SEC14L5: variants seen among roughly 807,000 people sequenced by gnomAD.
SEC14L5 encodes SEC14 like lipid binding 5, also known as SEC14-like protein 5.
SEC14L5 carries 96 observed loss-of-function variants against 84.6 expected under a neutral mutation model. That is an observed-to-expected ratio of 1.13 (90% CI 0.96 to 1.34). The LOEUF is 1.34. Among genes scored for constraint, SEC14L5 ranks in the 40% most tolerant of loss-of-function variants. The pLI is 0.00. For missense variants in SEC14L5, 1,224 were observed against 942.5 expected, an observed-to-expected ratio of 1.30 and a Z score of -3.91; for synonymous variants, 546 against 383.4, an observed-to-expected ratio of 1.42 and a Z score of -4.95.
chr16:4,980,388 C>T (rs1047536602), intron 2 of SEC14L5, among the ~76,000 whole-genome samples: 1 of 152,154 alleles, frequency 6.6e-6, no homozygotes, highest in Non-Finnish European at 1.5e-5. Context: ...GCAGACCAGC[C>T]TCCCCTCCGT....
chr16:4,998,249 C>G (rs1021844991), intron 8 of SEC14L5, among the ~76,000 whole-genome samples: 3 of 151,386 alleles, frequency 2.0e-5, no homozygotes, highest in Non-Finnish European at 4.4e-5. Flanking sequence ...TCAAGTGATC[C>G]GCCCGCCTTG....
rs771870846 is a variant in SEC14L5, at chr16:5,011,271, C to T, written c.1977C>T (p.Phe659=). 9.9e-6 allele frequency: 16 copies of T among 1,612,158 alleles called. No individual in the cohort carries two copies. In the South Asian group the frequency reaches 1.3e-4, roughly 13 times the overall value. Residue 659 remains phenylalanine (F), a splice_region_variant and synonymous_variant, in exon 15 of 16, where the codon TTC becomes TTT. Transcript: ENST00000251170. The part of the protein sequence containing the change: ...YYCEVLASED[F]RGSMSSLESC... ...GTGAGGTGCTCGCCTCTGAGGACTT[C>T]AGGTAGGAGGGCTCCGGAGCGGGGT...
chr16:5,011,233 C>A lies in SEC14L5; in HGVS notation c.1939C>A (p.Leu647Ile), dbSNP rs375451376. The change falls in exon 15 of 16, where the codon CTT (leucine) becomes ATT (isoleucine). Residue 647 changes from leucine (L) to isoleucine (I), a missense_variant. By Grantham distance (5) the Leu-to-Ile change is conservative. Transcript: ENST00000251170. ...ALHSPGPKCK[L>I]LYYCEVLASE... ...GCACAGCCCCGGGCCCAAGTGCAAA[C>A]TTCTCTACTACTGTGAGGTGCTCGC... 1 of 1,613,914 alleles carries A rather than the reference C, an allele frequency of 6.2e-7. No homozygotes were observed. Among genetic ancestry groups the A allele is most frequent in the Non-Finnish European group, 8.5e-7 (1 of 1,179,890 alleles).
Position 5,016,606 on chromosome 16 carries a change from T to TA in SEC14L5, c.*1637dup, listed in dbSNP as rs1686963015. On this transcript the variant is annotated 3_prime_UTR_variant, in exon 16 of 16. Transcript: ENST00000251170. ...ACATGGCTCTGTCAGCAGTGGCTGGTACCCTTGTCTCCTGGCCTTGCTTAG... is the reference window on the plus strand; with the variant it reads ...ACATGGCTCTGTCAGCAGTGGCTGGTAACCCTTGTCTCCTGGCCTTGCTTAG... 6.6e-6 allele frequency: 1 copy of TA among 152,084 alleles called. No individual in the cohort carries two copies. Among genetic ancestry groups the TA allele is most frequent in the African/African-American group, 2.4e-5 (1 of 41,424 alleles). 9.4% of individuals were successfully genotyped at this position (152,084 alleles called of 1,614,324 possible).
At chr16:5,014,037 A>C (rs1276643393) in intron 15 of SEC14L5, among the ~76,000 whole-genome samples, 2 of 152,236 alleles carry the variant, frequency 1.3e-5, no homozygotes, top group Non-Finnish European at 2.9e-5. Flanking sequence ...TGGTGCTGCC[A>C]GTTCCCAGAC....
At position 5,008,630 on chromosome 16, in the gene SEC14L5, G is replaced by A. The variant is rs369437630; in HGVS notation, c.1782G>A (p.Arg594=). Residue 594 remains arginine (R), a synonymous_variant, in exon 14 of 16, where the codon CGG becomes CGA. Transcript: ENST00000251170. ...YSRVEAPLVC[R]EGESIQGSHV... is the part of the protein sequence containing the mutation. ...GTGTGGAGGCTCCCCTTGTCTGCCG[G>A]GAGGGGGAGAGCATCCAGGTTTGCA... 6.2e-7 allele frequency: 1 copy of A among 1,606,680 alleles called. No homozygotes were observed. Among genetic ancestry groups the A allele is most frequent in the Admixed American group, 1.7e-5 (1 of 57,274 alleles).
At chr16:4,997,557 C>T (rs1041571154) in intron 8 of SEC14L5, among the ~76,000 whole-genome samples, 1 of 152,158 alleles carries the variant, frequency 6.6e-6, no homozygotes. Flanking sequence ...CTCCACTGGG[C>T]TGAGTGAGCC....
At chr16:4,996,727 ACG>A in intron 7 of SEC14L5, 126 bp from the exon 8 acceptor site, 1 of 730,456 alleles carries the variant, frequency 1.4e-6, no homozygotes, top group Non-Finnish European at 2.2e-6. Flanking sequence ...GCACACCACC[ACG>A]CCTGGCTAAT....
intron 8 of SEC14L5, 36 bp downstream of exon 8, chr16:4,997,080 C>T: frequency 6.8e-7 from 1 of 1,480,638 alleles, no homozygotes; most frequent in East Asian, 2.4e-5. Context: ...ATAGGGCATA[C>T]TTTGGTCACT....
At chr16:4,997,593 C>T (rs1036029681) in intron 8 of SEC14L5, among the ~76,000 whole-genome samples, 1 of 152,008 alleles carries the variant, frequency 6.6e-6, no homozygotes, top group African/African-American at 2.4e-5. Flanking sequence ...TAATTGTGAT[C>T]GTAAAGGTAA....
chr16:4,981,413 C>G (rs1340316460), intron 2 of SEC14L5, among the ~76,000 whole-genome samples: 1 of 151,874 alleles, frequency 6.6e-6, no homozygotes, highest in South Asian at 2.1e-4. Flanking sequence ...CGCCTGGTCT[C>G]GTCAAGGCCT....
At position 5,005,919 on chromosome 16, in the gene SEC14L5, C is replaced by T; in HGVS notation, c.1308C>T (p.Ser436=). The part of the protein sequence containing the change: ...RVFPVLWTLI[S]PFINENTRRK... ...GCCTTATGTCCTGGTTTCAGATCAG[C>T]CCCTTCATCAATGAGAACACCAGGC... The change falls in exon 12 of 16, where the codon AGC becomes AGT. Residue 436 remains serine (S), a synonymous_variant. Coordinates refer to ENST00000251170, the MANE Select transcript of SEC14L5 (RefSeq NM_014692.2). 6.3e-7 allele frequency: 1 copy of T among 1,588,256 alleles called. No individual in the cohort carries two copies.
chr16:4,987,216 T>TTTTTTTTTTA (rs397800879), intron 2 of SEC14L5, among the ~76,000 whole-genome samples: 1 of 151,230 alleles, frequency 6.6e-6, no homozygotes. Context: ...TTTTTTTTTT[T>TTTTTTTTTTA]ATCATGAAGG....
chr16:4,998,797 C>A (rs184517889), intron 8 of SEC14L5, among the ~76,000 whole-genome samples: 1 of 148,568 alleles, frequency 6.7e-6, no homozygotes, highest in Non-Finnish European at 1.5e-5. Flanking sequence ...GTAGGGTAAA[C>A]GCTTGACTCT....
chr16:5,010,840 A>T, intron 14 of SEC14L5: 1 of 494,172 alleles, frequency 2.0e-6, no homozygotes. Context: ...GTTGTCCTGA[A>T]GTTGCACCCC....
intron 4 of SEC14L5, among the ~76,000 whole-genome samples, chr16:4,989,504 A>G (rs2010436): frequency 0.26 from 39,004 of 151,846 alleles, 5,946 homozygotes; most frequent in Non-Finnish European, 0.32. Context: ...GTGCCACCAC[A>G]TCCGGCTGAT....
intron 2 of SEC14L5, among the ~76,000 whole-genome samples, chr16:4,987,292 C>T (rs1596627029): frequency 6.6e-6 from 1 of 151,940 alleles, no homozygotes; most frequent in Non-Finnish European, 1.5e-5. Flanking sequence ...CCCAGAGTCC[C>T]TGTGCTTCCT....
intron 2 of SEC14L5, among the ~76,000 whole-genome samples, chr16:4,969,357 C>T (rs1269796016): frequency 2.0e-5 from 3 of 151,436 alleles, no homozygotes; most frequent in Non-Finnish European, 2.9e-5. Flanking sequence ...TCTCCAATGT[C>T]AGAGGCTCAA....
chr16:5,002,663 G>A (rs1037878125), intron 10 of SEC14L5, among the ~76,000 whole-genome samples: 1 of 152,134 alleles, frequency 6.6e-6, no homozygotes, highest in Admixed American at 6.6e-5. Context: ...AGGTTTAAGC[G>A]AACAAATCTG....
Sources: gnomAD v4.1 joint callset for allele counts (sites outside exome capture counted in the v4.1 genomes callset) on GRCh38, gnomAD v4.1.1 for gene constraint, MANE v1.5 for transcripts, NCBI Gene and HGNC (gene_info 2026-07-23, HGNC 2026-07-21) for gene names.